CPED1: variants seen among roughly 807,000 people sequenced by gnomAD.
The protein encoded by CPED1 is cadherin-like and PC-esterase domain-containing protein 1.
In CPED1, 114 loss-of-function variants were observed where a neutral mutation model predicts 128.2. That is an observed-to-expected ratio of 0.89 (90% confidence interval 0.76 to 1.04). The LOEUF (loss-of-function observed/expected upper bound fraction) is 1.04, where lower values mean the gene tolerates loss of function less well. Ranked by LOEUF, CPED1 falls within the 50% of genes least tolerant of loss-of-function variation. The pLI is 0.00. For synonymous variants in CPED1, 462 were observed against 426.7 expected, an observed-to-expected ratio of 1.08 and a Z score of -1.02; for missense variants, 1,211 against 1,207.1, an observed-to-expected ratio of 1.00 and a Z score of -0.05.
chr7:121,268,219 T>C (rs1792168015), intron 21 of CPED1, among the ~76,000 whole-genome samples: 1 of 152,126 alleles, frequency 6.6e-6, no homozygotes, highest in South Asian at 2.1e-4. Context: ...ATTTGAAGTC[T>C]ACAGGTCGAG....
chr7:121,267,078 A>G (rs111938619), intron 20 of CPED1, 137 bp from the exon 21 acceptor site: 52 of 625,146 alleles, frequency 8.3e-5, no homozygotes, highest in African/African-American at 7.9e-4. Context: ...TACATCAAAT[A>G]TATAAAACGA....
At chr7:121,239,722 G>T (rs10279122) in intron 17 of CPED1, among the ~76,000 whole-genome samples, 16,092 of 152,066 alleles carry the variant, frequency 0.11, 1,087 homozygotes, top group African/African-American at 0.18. Flanking sequence ...CCCTAAATCA[G>T]AGTTGAACTT....
chr7:121,178,994 A>C (rs2116492022), intron 16 of CPED1, among the ~76,000 whole-genome samples: 1 of 152,170 alleles, frequency 6.6e-6, no homozygotes, highest in South Asian at 2.1e-4. Flanking sequence ...GGTAGGAGAA[A>C]GTTTGGAGCC....
chr7:121,190,276 C>T (rs530741257), intron 16 of CPED1, among the ~76,000 whole-genome samples: 2 of 150,552 alleles, frequency 1.3e-5, no homozygotes, highest in Admixed American at 6.7e-5. Context: ...GTGCAAAAGC[C>T]CTGGGGTGTG....
At chr7:121,026,389 T>G (rs1260218417) in intron 3 of CPED1, among the ~76,000 whole-genome samples, 1 of 152,144 alleles carries the variant, frequency 6.6e-6, no homozygotes, top group Non-Finnish European at 1.5e-5. Flanking sequence ...TCCCTACAGC[T>G]GCTTTGCCTC....
chr7:121,140,592 A>G (rs1006364478), intron 14 of CPED1, among the ~76,000 whole-genome samples: 3 of 152,024 alleles, frequency 2.0e-5, no homozygotes, highest in East Asian at 1.9e-4. Flanking sequence ...TACCATCTAT[A>G]TAACGCCGAC....
chr7:121,029,383 T>G (rs1255113711), intron 3 of CPED1, among the ~76,000 whole-genome samples: 2 of 152,208 alleles, frequency 1.3e-5, no homozygotes, highest in African/African-American at 4.8e-5. Context: ...GTTTTAAGAT[T>G]GAGGACTTTA....
At chr7:121,026,824 G>GTTTT (rs1792599325) in intron 3 of CPED1, among the ~76,000 whole-genome samples, 1 of 102,844 alleles carries the variant, frequency 9.7e-6, no homozygotes, top group East Asian at 3.6e-4. Flanking sequence ...CCTCCTGTCA[G>GTTTT]TTCTTTTTTT....
intron 16 of CPED1, among the ~76,000 whole-genome samples, chr7:121,148,648 A>T (rs1319903029): frequency 6.6e-6 from 1 of 152,098 alleles, no homozygotes; most frequent in South Asian, 2.1e-4. Context: ...ACTTGTTGGG[A>T]ATTGGGGAAG....
At chr7:121,120,951 G>A (rs1234759682) in intron 7 of CPED1, among the ~76,000 whole-genome samples, 1 of 112,918 alleles carries the variant, frequency 8.9e-6, no homozygotes, top group Non-Finnish European at 1.8e-5. Flanking sequence ...AGATAAAATA[G>A]GACAGTTCCT....
In CPED1 at chr7:121,141,630, T is replaced by C. The variant is rs182580709; in HGVS notation, c.1887-343T>C. Among the ~76,000 whole-genome samples, 267 of 152,120 alleles carry C rather than the reference T, an allele frequency of 1.8e-3. 1 individual carries two copies. Among genetic ancestry groups the C allele is most frequent in the Middle Eastern group, 0.014 (4 of 294 alleles). ...CTCTTCTATGTGACTTTGAATGATGTGTTTACCAGTTCTAGGTCATGGTCT... is the reference window on the plus strand; with the variant it reads ...CTCTTCTATGTGACTTTGAATGATGCGTTTACCAGTTCTAGGTCATGGTCT... On this transcript the variant is annotated intron_variant, in intron 15 of 22. Transcript: ENST00000310396.
intron 16 of CPED1, among the ~76,000 whole-genome samples, chr7:121,213,236 C>T (rs189601937): frequency 2.6e-5 from 4 of 152,048 alleles, no homozygotes; most frequent in Non-Finnish European, 2.9e-5. Context: ...CAGATAAACC[C>T]ATGGTTCAAA....
rs1794812339 is a variant in CPED1 at position 121,100,095 on chromosome 7, G to A, written c.918+1G>A. ...AAAGAAAAAACGCTTCACTGTCAAG[G>A]TAAGCTCTCGGTTGAAGCTATTATT... On this transcript the variant is annotated splice_donor_variant, in intron 7 of 22. Coordinates refer to ENST00000310396, the MANE Select transcript of CPED1 (RefSeq NM_024913.5). LOFTEE classifies it high-confidence loss of function. The A allele has an allele frequency of 6.2e-7, 1 of 1,613,032 alleles. No homozygotes were observed. The highest frequency in any genetic ancestry group is 2.2e-5 in the East Asian group (1 of 44,844).
At chr7:121,253,117 G>C (rs1798721991) in intron 18 of CPED1, among the ~76,000 whole-genome samples, 1 of 151,954 alleles carries the variant, frequency 6.6e-6, no homozygotes, top group Non-Finnish European at 1.5e-5. Flanking sequence ...ATACACCATG[G>C]AATATGATGC....
At chr7:121,022,218 A>G (rs1792461496) in intron 3 of CPED1, among the ~76,000 whole-genome samples, 2 of 152,058 alleles carry the variant, frequency 1.3e-5, no homozygotes, top group South Asian at 4.1e-4. Context: ...TAAACAGCAA[A>G]TTCACTCAGG....
chr7:121,071,072 C>A (rs1029353164), intron 5 of CPED1, among the ~76,000 whole-genome samples: 2 of 152,254 alleles, frequency 1.3e-5, no homozygotes, highest in South Asian at 4.1e-4. Context: ...AGATAACCTG[C>A]ACCTTTTCAG....
intron 5 of CPED1, among the ~76,000 whole-genome samples, chr7:121,070,655 AATTCCCATTTAAT>A (rs1444757138): frequency 6.6e-6 from 1 of 152,056 alleles, no homozygotes; most frequent in Non-Finnish European, 1.5e-5. Context: ...AGTGCATTCA[AATTCCCATTTAAT>A]TCATCAGTAA....
At chr7:121,261,679 C>A (rs747827097) in intron 18 of CPED1, 2 of 1,610,716 alleles carry the variant, frequency 1.2e-6, no homozygotes, top group East Asian at 2.2e-5. Context: ...ATTGAAGACA[C>A]AATCCAGTCA....
chr7:121,111,728 T>C (rs1350030074), intron 7 of CPED1, among the ~76,000 whole-genome samples: 1 of 152,050 alleles, frequency 6.6e-6, no homozygotes, highest in Non-Finnish European at 1.5e-5. Flanking sequence ...AAAAAACACA[T>C]GAGGTTCTTA....
Sources: gnomAD v4.1 joint callset for allele counts (sites outside exome capture counted in the v4.1 genomes callset) on GRCh38, gnomAD v4.1.1 for gene constraint, MANE v1.5 for transcripts, NCBI Gene and HGNC (gene_info 2026-07-23, HGNC 2026-07-21) for gene names.